HTR1E: variants seen among roughly 807,000 people sequenced by gnomAD.
The protein encoded by HTR1E is 5-HT-1E.
HTR1E carries 3 observed loss-of-function variants against 3.4 expected under a neutral mutation model. That is an observed-to-expected ratio of 0.89 (90% confidence interval 0.41 to 2.31). HTR1E has a LOEUF of 2.31. Ranked by LOEUF, HTR1E falls within the 30% of genes most tolerant of loss-of-function variation. The pLI is 0.05. For missense variants in HTR1E, 392 were observed against 467.0 expected (o/e 0.84, Z 1.48); for synonymous variants, 170 against 182.8 (o/e 0.93, Z 0.56).
chr6:86,965,194 C>T (rs1418595576), intron 1 of HTR1E, among the ~76,000 whole-genome samples: 1 of 152,206 alleles, frequency 6.6e-6, no homozygotes, highest in Non-Finnish European at 1.5e-5. Flanking sequence ...CCTGGGCATG[C>T]TCACTGCTCC....
chr6:86,944,390 T>C (rs1279646266), intron 1 of HTR1E, among the ~76,000 whole-genome samples: 1 of 152,240 alleles, frequency 6.6e-6, no homozygotes, highest in Non-Finnish European at 1.5e-5. Context: ...TGATAAAGAC[T>C]CAATTCAGTA....
chr6:86,974,247 T>C (rs1767600015), intron 1 of HTR1E, among the ~76,000 whole-genome samples: 1 of 152,256 alleles, frequency 6.6e-6, no homozygotes, highest in Admixed American at 6.5e-5. Context: ...GTGTATTTCC[T>C]GCAAGAAATG....
intron 1 of HTR1E, among the ~76,000 whole-genome samples, chr6:86,941,678 G>A (rs913566452): frequency 1.3e-5 from 2 of 152,178 alleles, no homozygotes; most frequent in African/African-American, 4.8e-5. Context: ...TATCAGTGCA[G>A]ACCAGATGGA....
intron 1 of HTR1E, among the ~76,000 whole-genome samples, chr6:87,006,025 T>C (rs1487920378): frequency 6.6e-6 from 1 of 152,142 alleles, no homozygotes; most frequent in Non-Finnish European, 1.5e-5. Flanking sequence ...AAAACTACAA[T>C]GAGATATCAT....
chr6:87,015,630 T>A lies in HTR1E; in HGVS notation c.296T>A (p.Leu99Gln). The A allele has an allele frequency of 6.2e-7, 1 of 1,614,178 alleles. No individual in the cohort carries two copies. Among genetic ancestry groups the A allele is most frequent in the South Asian group, 1.1e-5 (1 of 91,076 alleles). The change falls in exon 2 of 2, where the codon CTG (leucine) becomes CAG (glutamine). Residue 99 changes from leucine to glutamine, a missense_variant. By Grantham distance (113) the Leu-to-Gln change is moderately radical. Transcript: ENST00000305344. ...GGGTACTTCCTCTGTGAGGTGTGGCTGAGTGTGGACATGACCTGCTGCACC... is the reference window on the plus strand; with the variant it reads ...GGGTACTTCCTCTGTGAGGTGTGGCAGAGTGTGGACATGACCTGCTGCACC... ...KLGYFLCEVW[L>Q]SVDMTCCTCS...
At chr6:86,996,042 C>A (rs889001756) in intron 1 of HTR1E, among the ~76,000 whole-genome samples, 9 of 152,048 alleles carry the variant, frequency 5.9e-5, no homozygotes, top group African/African-American at 2.2e-4. Flanking sequence ...GACTTCCATA[C>A]CCCACTCAAA....
chr6:86,952,345 T>C (rs72912463), intron 1 of HTR1E, among the ~76,000 whole-genome samples: 4,318 of 152,254 alleles, frequency 0.028, 113 homozygotes, highest in Non-Finnish European at 0.042. Flanking sequence ...TAGCTGTCTA[T>C]CCCTAGCCCA....
chr6:86,995,665 C>CAAAAAAAAA (rs60134206), intron 1 of HTR1E, among the ~76,000 whole-genome samples: 18 of 36,672 alleles, frequency 4.9e-4, no homozygotes, highest in African/African-American at 8.0e-4. Flanking sequence ...GACTCCATCT[C>CAAAAAAAAA]AAAAAAAAAA....
chr6:86,943,008 A>G (rs182093636), intron 1 of HTR1E, among the ~76,000 whole-genome samples: 1 of 152,328 alleles, frequency 6.6e-6, no homozygotes, highest in Admixed American at 6.5e-5. Context: ...GCCGGGTCCC[A>G]TTGGCTTTGA....
At chr6:86,999,377 G>C (rs1201117188) in intron 1 of HTR1E, among the ~76,000 whole-genome samples, 1 of 152,042 alleles carries the variant, frequency 6.6e-6, no homozygotes, top group Admixed American at 6.6e-5. Flanking sequence ...AAAGTATATA[G>C]CAAAAGCCAA....
At chr6:86,943,270 T>C (rs1012429072) in intron 1 of HTR1E, among the ~76,000 whole-genome samples, 1 of 152,138 alleles carries the variant, frequency 6.6e-6, no homozygotes, top group Non-Finnish European at 1.5e-5. Context: ...GTGAAGATAT[T>C]TGCATCTCAT....
intron 1 of HTR1E, among the ~76,000 whole-genome samples, chr6:86,942,894 CA>C (rs768073206): frequency 1.3e-5 from 2 of 152,048 alleles, no homozygotes; most frequent in Non-Finnish European, 2.9e-5. Flanking sequence ...TTAGAGGAAG[CA>C]AAAGTCTCAA....
intron 1 of HTR1E, among the ~76,000 whole-genome samples, chr6:86,947,135 G>A (rs543227824): frequency 6.6e-6 from 1 of 152,188 alleles, no homozygotes; most frequent in East Asian, 1.9e-4. Flanking sequence ...AATGCACAGA[G>A]AAGGTTTCCA....
At chr6:86,964,251 A>T (rs1481916100) in intron 1 of HTR1E, among the ~76,000 whole-genome samples, 5 of 152,178 alleles carry the variant, frequency 3.3e-5, no homozygotes, top group African/African-American at 1.2e-4. Flanking sequence ...CATGGGGCAG[A>T]TTGCATTACT....
At chr6:86,977,565 G>T (rs1767656055) in intron 1 of HTR1E, among the ~76,000 whole-genome samples, 1 of 152,018 alleles carries the variant, frequency 6.6e-6, no homozygotes, top group Admixed American at 6.6e-5. Context: ...GGGATTGCTG[G>T]GTCTAATGGT....
intron 1 of HTR1E, among the ~76,000 whole-genome samples, chr6:86,958,901 T>G (rs1767362293): frequency 2.6e-5 from 4 of 151,636 alleles, no homozygotes; most frequent in Admixed American, 2.0e-4. Flanking sequence ...GACAATGTAT[T>G]AATCAGGGCT....
At position 86,954,737 on chromosome 6, in the gene HTR1E, GA is replaced by G. The variant is rs1767297123; in HGVS notation, c.-186+16919del. ...CCAAGTCAGTGCCAGGAAAATGCAA[GA>G]AAAATTGAAAACAAGCTTGTCATTT... On this transcript the variant is annotated intron_variant, in intron 1 of 1. Transcript: ENST00000305344. Among the ~76,000 whole-genome samples, 3 of 152,270 alleles carry G rather than the reference GA, an allele frequency of 2.0e-5. No homozygotes were observed. In the South Asian group the frequency reaches 6.2e-4, roughly 32 times the overall value.
chr6:86,993,567 C>CAA (rs765234146), intron 1 of HTR1E, among the ~76,000 whole-genome samples: 17 of 125,250 alleles, frequency 1.4e-4, no homozygotes, highest in African/African-American at 2.6e-4. Flanking sequence ...AAGCACTACC[C>CAA]AAAAAAAAAA....
chr6:86,940,050 G>A (rs944536682), intron 1 of HTR1E, among the ~76,000 whole-genome samples: 3 of 152,104 alleles, frequency 2.0e-5, no homozygotes, highest in Non-Finnish European at 4.4e-5. Context: ...CAAAATCCAG[G>A]ACACACCTCT....
Sources: allele counts gnomAD v4.1 joint callset (sites outside exome capture counted in the v4.1 genomes callset), GRCh38; gene constraint gnomAD v4.1.1; transcripts MANE v1.5; gene names NCBI Gene and HGNC (gene_info 2026-07-23, HGNC 2026-07-21).